JAK2: variants seen among roughly 807,000 people sequenced by gnomAD.
JAK2 encodes tyrosine-protein kinase JAK2.
In JAK2, 86 loss-of-function variants were observed where a neutral mutation model predicts 139.3. That is an observed-to-expected ratio of 0.62 (90% CI 0.52 to 0.74). JAK2 has a LOEUF of 0.74. Ranked by LOEUF, JAK2 falls within the 30% of genes least tolerant of loss-of-function variation. The pLI is 0.00. For synonymous variants in JAK2, 490 were observed against 437.7 expected, an observed-to-expected ratio of 1.12 and a Z score of -1.49; for missense variants, 1,421 against 1,360.3, an observed-to-expected ratio of 1.04 and a Z score of -0.70.
intron 2 of JAK2, among the ~76,000 whole-genome samples, chr9:5,007,233 A>G (rs541479777): frequency 9.2e-5 from 14 of 152,194 alleles, no homozygotes; most frequent in South Asian, 2.1e-4. Context: ...CGTCTTGTGT[A>G]TGAATTTAAG....
chr9:4,989,689 A>C (rs903154512), intron 2 of JAK2, among the ~76,000 whole-genome samples: 1 of 152,224 alleles, frequency 6.6e-6, no homozygotes, highest in Non-Finnish European at 1.5e-5. Flanking sequence ...ATTTAAGACC[A>C]CTTGAGTTGA....
chr9:5,007,647 A>G (rs1252083015), intron 2 of JAK2, among the ~76,000 whole-genome samples: 1 of 151,786 alleles, frequency 6.6e-6, no homozygotes, highest in African/African-American at 2.4e-5. Context: ...TGCGTTTTTT[A>G]CTCATACTTT....
intron 14 of JAK2, 32 bp from the exon 15 acceptor site, chr9:5,077,421 G>A: frequency 1.3e-6 from 1 of 786,904 alleles, no homozygotes; most frequent in East Asian, 3.5e-5. Context: ...TTATACTTAA[G>A]CCTTATTATT....
At position 5,061,992 on chromosome 9, in the gene JAK2, C is replaced by T. The variant is rs186727402; in HGVS notation, c.1057-2891C>T. Among the ~76,000 whole-genome samples, 643 of 152,212 alleles carry T rather than the reference C, an allele frequency of 4.2e-3. 3 individuals carry two copies. The highest frequency in any genetic ancestry group is 0.015 in the African/African-American group (611 of 41,508). On this transcript the variant is annotated intron_variant, in intron 8 of 24. Coordinates refer to ENST00000381652, the MANE Select transcript of JAK2 (RefSeq NM_004972.4). ...GGAAAAAGAAAGGGAAATAGCTATT[C>T]GGTGGAGCAGTCAGAACATATACAA...
chr9:5,096,640 C>G (rs974012549), intron 22 of JAK2: 19 of 152,166 alleles, frequency 1.2e-4, no homozygotes, highest in African/African-American at 4.3e-4. Context: ...AATGCTTACT[C>G]AGCCATTTTA....
At chr9:4,991,449 A>T (rs1352786649) in intron 2 of JAK2, among the ~76,000 whole-genome samples, 23 of 152,196 alleles carry the variant, frequency 1.5e-4, no homozygotes, top group Admixed American at 1.5e-3. Flanking sequence ...ATAAAGGGCC[A>T]TGTGATGTGA....
intron 8 of JAK2, among the ~76,000 whole-genome samples, chr9:5,062,308 G>T (rs1818234916): frequency 1.3e-5 from 2 of 151,588 alleles, no homozygotes; most frequent in Non-Finnish European, 2.9e-5. Flanking sequence ...GTATTCTGAG[G>T]GACAACTGTA....
chr9:5,042,775 G>A (rs1442422898), intron 4 of JAK2, among the ~76,000 whole-genome samples: 2 of 152,170 alleles, frequency 1.3e-5, no homozygotes, highest in African/African-American at 4.8e-5. Flanking sequence ...TGTGCCCCAG[G>A]CCTCCCCAAA....
intron 22 of JAK2, chr9:5,110,057 T>G (rs192484714): frequency 6.6e-6 from 1 of 152,314 alleles, no homozygotes; most frequent in East Asian, 1.9e-4. Context: ...CATGAGAGAT[T>G]CAACAAGCAT....
chr9:5,090,979 A>C, intron 22 of JAK2, 68 bp downstream of exon 22: 1 of 1,129,860 alleles, frequency 8.9e-7, no homozygotes, highest in Admixed American at 2.5e-5. Flanking sequence ...GTTGTTATTT[A>C]ATAGTTTGCC....
Position 5,022,149 on chromosome 9 carries a change from T to C in JAK2, c.162T>C (p.Tyr54=). 2 of 1,614,198 alleles carry C rather than the reference T, an allele frequency of 1.2e-6. No individual in the cohort carries two copies. Among genetic ancestry groups the C allele is most frequent in the South Asian group, 2.2e-5 (2 of 91,090 alleles). ...CCCTTGGGAAATCTGAGGCAGATTATCTGACCTTTCCATCTGGGGAGTATG... is the reference window on the plus strand; with the variant it reads ...CCCTTGGGAAATCTGAGGCAGATTACCTGACCTTTCCATCTGGGGAGTATG... ...YHSLGKSEAD[Y]LTFPSGEYVA... Residue 54 remains tyrosine (Y), a synonymous_variant, in exon 3 of 25, where the codon TAT becomes TAC. Transcript: ENST00000381652.
At chr9:5,002,442 G>T (rs1184813642) in intron 2 of JAK2, among the ~76,000 whole-genome samples, 1 of 151,912 alleles carries the variant, frequency 6.6e-6, no homozygotes, top group African/African-American at 2.4e-5. Flanking sequence ...AGATTTTCTA[G>T]ATAGTTTTTT....
intron 8 of JAK2, among the ~76,000 whole-genome samples, chr9:5,056,595 A>C (rs780256456): frequency 5.3e-5 from 8 of 152,238 alleles, no homozygotes; most frequent in South Asian, 4.1e-4. Flanking sequence ...GTAGACTGTG[A>C]GCCTTTTGAA....
intron 22 of JAK2, chr9:5,100,241 C>G (rs1011776218): frequency 4.6e-5 from 7 of 152,120 alleles, no homozygotes; most frequent in Non-Finnish European, 8.8e-5. Context: ...ACATAATGAC[C>G]CACCAAACAC....
chr9:5,103,956 G>C (rs553305326), intron 22 of JAK2, among the ~76,000 whole-genome samples: 28 of 152,236 alleles, frequency 1.8e-4, no homozygotes, highest in Admixed American at 9.8e-4. Flanking sequence ...ATGCCCACAA[G>C]AGAAAGCAGG....
intron 22 of JAK2, among the ~76,000 whole-genome samples, chr9:5,101,278 G>A (rs956371188): frequency 3.9e-5 from 6 of 152,238 alleles, no homozygotes; most frequent in Non-Finnish European, 7.3e-5. Context: ...CCTGCTCACT[G>A]CTAGCACAGC....
chr9:5,038,869 T>C (rs906118312), intron 4 of JAK2, among the ~76,000 whole-genome samples: 2 of 152,062 alleles, frequency 1.3e-5, no homozygotes, highest in Non-Finnish European at 2.9e-5. Context: ...AATCAATCAA[T>C]GTAATACACC....
intron 10 of JAK2, 109 bp from the exon 11 acceptor site, chr9:5,068,913 T>C (rs898452436): frequency 2.8e-5 from 18 of 648,640 alleles, no homozygotes; most frequent in Non-Finnish European, 4.6e-5. Context: ...GGATTCATGG[T>C]TCAAATGTTT....
intron 22 of JAK2, among the ~76,000 whole-genome samples, chr9:5,102,824 C>A (rs552033218): frequency 2.8e-3 from 431 of 152,218 alleles, no homozygotes; most frequent in African/African-American, 0.01. Flanking sequence ...AAATAAAATC[C>A]TTTACAGACA....
Sources: gnomAD v4.1 joint callset for allele counts (sites outside exome capture counted in the v4.1 genomes callset) on GRCh38, gnomAD v4.1.1 for gene constraint, MANE v1.5 for transcripts, NCBI Gene and HGNC (gene_info 2026-07-23, HGNC 2026-07-21) for gene names.